PLPP4: variants seen among roughly 807,000 people sequenced by gnomAD.
PLPP4 encodes the protein phospholipid phosphatase 4.
PLPP4 carries 20 observed loss-of-function variants against 32.2 expected under a neutral mutation model. That is an observed-to-expected ratio of 0.62 (90% confidence interval 0.44 to 0.90). The LOEUF is 0.90. Ranked by LOEUF, PLPP4 falls within the 40% of genes least tolerant of loss-of-function variation. The probability of loss-of-function intolerance (pLI) is 0.00; values close to 1 mark genes in which losing one functional copy is unlikely to be tolerated. For missense variants in PLPP4, 257 were observed against 353.1 expected, an observed-to-expected ratio of 0.73 and a Z score of 2.18; for synonymous variants, 127 against 133.0, an observed-to-expected ratio of 0.95 and a Z score of 0.31.
chr10:120,497,146 CA>C (rs1399511126), intron 1 of PLPP4, among the ~76,000 whole-genome samples: 1 of 151,694 alleles, frequency 6.6e-6, no homozygotes, highest in East Asian at 1.9e-4. Flanking sequence ...TTCAGGTGAC[CA>C]AAAAAAGGTA....
intron 5 of PLPP4, among the ~76,000 whole-genome samples, chr10:120,542,674 T>C (rs1847403408): frequency 6.6e-6 from 1 of 152,334 alleles, no homozygotes; most frequent in African/African-American, 2.4e-5. Context: ...GTATGTTCAG[T>C]TCTTTTCTTG....
chr10:120,506,714 A>AT (rs908621107), intron 2 of PLPP4, among the ~76,000 whole-genome samples: 1 of 152,252 alleles, frequency 6.6e-6, no homozygotes, highest in African/African-American at 2.4e-5. Flanking sequence ...AATTAACAGA[A>AT]TGATGGCTAG....
intron 1 of PLPP4, among the ~76,000 whole-genome samples, chr10:120,501,739 C>T (rs1437123062): frequency 6.6e-6 from 1 of 152,164 alleles, no homozygotes; most frequent in East Asian, 1.9e-4. Flanking sequence ...GACTCCTGGC[C>T]CATCAGGGCC....
rs1263728685 is a variant in PLPP4, at chr10:120,469,130, A to G, written c.56+11769A>G. ...CACACAGAATATTATCTAGTTATTGAAAGAATCATTTTGAAAATCATGAAG... is the reference window on the plus strand; with the variant it reads ...CACACAGAATATTATCTAGTTATTGGAAGAATCATTTTGAAAATCATGAAG... On this transcript the variant is annotated intron_variant, in intron 1 of 6. Transcript: ENST00000398250. 2.5e-4 allele frequency among the ~76,000 whole-genome samples: 16 copies of G among 65,066 alleles called. 4 individuals are homozygous for G. Among genetic ancestry groups the G allele is most frequent in the African/African-American group, 5.3e-4 (16 of 30,476 alleles). The allele number at this position is 65,066 out of a possible 152,430, so 42.7% of individuals were successfully genotyped here. A position where few individuals can be genotyped will look rare whatever the true frequency, so the allele number is the denominator to read the frequency against.
At chr10:120,473,763 C>T (rs1843768385) in intron 1 of PLPP4, among the ~76,000 whole-genome samples, 1 of 152,052 alleles carries the variant, frequency 6.6e-6, no homozygotes, top group African/African-American at 2.4e-5. Context: ...GTGGCACTTC[C>T]CCCTTCACTC....
intron 5 of PLPP4, among the ~76,000 whole-genome samples, chr10:120,573,485 G>A (rs1021009329): frequency 1.3e-5 from 2 of 151,996 alleles, no homozygotes; most frequent in African/African-American, 4.8e-5. Context: ...TACAGTTTAG[G>A]GTCCTACTTG....
intron 5 of PLPP4, among the ~76,000 whole-genome samples, chr10:120,552,206 G>GTTA (rs1847940710): frequency 6.9e-6 from 1 of 144,728 alleles, no homozygotes; most frequent in Non-Finnish European, 1.5e-5. Flanking sequence ...GTGTGTGTGT[G>GTTA]TGATGTTATG....
At chr10:120,519,433 G>C (rs1846063241) in intron 4 of PLPP4, among the ~76,000 whole-genome samples, 1 of 151,554 alleles carries the variant, frequency 6.6e-6, no homozygotes, top group East Asian at 1.9e-4. Context: ...ACTAACTCTA[G>C]CTGGCTGTTG....
intron 6 of PLPP4, among the ~76,000 whole-genome samples, chr10:120,585,172 A>G (rs552824216): frequency 6.6e-6 from 1 of 152,208 alleles, no homozygotes; most frequent in South Asian, 2.1e-4. Context: ...CAATAGTGCA[A>G]CTCTAAGACC....
At chr10:120,528,453 G>A (rs1846532626) in intron 5 of PLPP4, among the ~76,000 whole-genome samples, 1 of 152,156 alleles carries the variant, frequency 6.6e-6, no homozygotes, top group South Asian at 2.1e-4. Flanking sequence ...CACATTGGTG[G>A]CCATGTGTCT....
At chr10:120,460,176 T>C (rs140976907) in intron 1 of PLPP4, among the ~76,000 whole-genome samples, 1 of 152,254 alleles carries the variant, frequency 6.6e-6, no homozygotes, top group East Asian at 1.9e-4. Context: ...ACCCAGTGTT[T>C]AGGAAAAATA....
At chr10:120,582,856 C>T (rs539213075) in intron 6 of PLPP4, among the ~76,000 whole-genome samples, 93 of 140,228 alleles carry the variant, frequency 6.6e-4, no homozygotes, top group Admixed American at 1.6e-3. Context: ...TCTGTGTACC[C>T]GGCGTGTTCT....
Position 120,586,606 on chromosome 10 carries a change from G to T in PLPP4, c.617-2697G>T, listed in dbSNP as rs541253728. 3.5e-4 allele frequency among the ~76,000 whole-genome samples: 53 copies of T among 152,214 alleles called. No individual in the cohort carries two copies. The South Asian group carries it at 6.6e-3, about 19-fold the overall frequency. On this transcript the variant is annotated intron_variant, in intron 6 of 6. Transcript: ENST00000398250. ...TCAGGAGGACCAGAATGGGAAAGGG[G>T]CATGCCCAAAAACACACAGGACAGC... is the stretch of plus-strand genomic sequence containing the variant.
At chr10:120,507,895 C>T (rs1318552321) in intron 2 of PLPP4, among the ~76,000 whole-genome samples, 1 of 152,150 alleles carries the variant, frequency 6.6e-6, no homozygotes, top group African/African-American at 2.4e-5. Flanking sequence ...GGGGCACAGA[C>T]ATGAACACAA....
At chr10:120,563,572 G>A (rs986534622) in intron 5 of PLPP4, among the ~76,000 whole-genome samples, 8 of 150,506 alleles carry the variant, frequency 5.3e-5, no homozygotes, top group African/African-American at 2.0e-4. Context: ...AGGCCGAGGC[G>A]GGTGGATCAT....
At chr10:120,465,437 G>A (rs1340316522) in intron 1 of PLPP4, among the ~76,000 whole-genome samples, 1 of 152,218 alleles carries the variant, frequency 6.6e-6, no homozygotes, top group Non-Finnish European at 1.5e-5. Flanking sequence ...TTATCCCACA[G>A]AAAGGAGGAA....
intron 1 of PLPP4, among the ~76,000 whole-genome samples, chr10:120,479,621 C>T (rs1844106558): frequency 6.6e-6 from 1 of 152,228 alleles, no homozygotes; most frequent in Non-Finnish European, 1.5e-5. Context: ...GCCTTCCCAC[C>T]ATTCCCCAGG....
intron 6 of PLPP4, among the ~76,000 whole-genome samples, chr10:120,575,946 C>A (rs1045825716): frequency 6.6e-6 from 1 of 152,208 alleles, no homozygotes; most frequent in Non-Finnish European, 1.5e-5. Context: ...ACAACCACCA[C>A]CTGCCAGAGC....
chr10:120,572,719 T>G (rs940457894), intron 5 of PLPP4, among the ~76,000 whole-genome samples: 1 of 152,184 alleles, frequency 6.6e-6, no homozygotes, highest in Non-Finnish European at 1.5e-5. Context: ...ACCAATGGGA[T>G]CCAACTCTCC....
Sources: allele counts gnomAD v4.1 joint callset (sites outside exome capture counted in the v4.1 genomes callset), GRCh38; gene constraint gnomAD v4.1.1; transcripts MANE v1.5; gene names NCBI Gene and HGNC (gene_info 2026-07-23, HGNC 2026-07-21).